Variants in AGBL1 observed in about 807,000 individuals in gnomAD.
AGBL1 encodes cytosolic carboxypeptidase 4.
AGBL1 carries 130 observed loss-of-function variants against 118.9 expected under a neutral mutation model. The ratio of observed to expected loss-of-function variants is 1.09; its 90% CI spans 0.95 to 1.26. The LOEUF (loss-of-function observed/expected upper bound fraction) is 1.26, where lower values mean the gene tolerates loss of function less well. Ranked by LOEUF, AGBL1 falls within the 50% of genes most tolerant of loss-of-function variation. The probability of loss-of-function intolerance (pLI) is 0.00; values close to 1 mark genes in which losing one functional copy is unlikely to be tolerated. For synonymous variants in AGBL1, 555 were observed against 478.9 expected (o/e 1.16, Z -2.08); for missense variants, 1,584 against 1,298.1 (o/e 1.22, Z -3.38).
intron 17 of AGBL1, among the ~76,000 whole-genome samples, chr15:86,302,977 CAAGAT>C (rs2079778332): frequency 6.6e-6 from 1 of 152,058 alleles, no homozygotes; most frequent in African/African-American, 2.4e-5. Flanking sequence ...AGAGAAATGA[CAAGAT>C]CAGATTTGTT....
intron 19 of AGBL1, among the ~76,000 whole-genome samples, chr15:86,529,682 G>A (rs2083321458): frequency 6.7e-6 from 1 of 149,708 alleles, no homozygotes. Context: ...TGAAATGAAG[G>A]AAAAAATGTT....
intron 19 of AGBL1, among the ~76,000 whole-genome samples, chr15:86,535,785 G>GA (rs952803918): frequency 2.2e-4 from 33 of 152,174 alleles, no homozygotes; most frequent in African/African-American, 2.9e-4. Context: ...AAAAGGAGAT[G>GA]AAAAAAAGGA....
chr15:86,936,267 T>A (rs1022991060), intron 23 of AGBL1, among the ~76,000 whole-genome samples: 69 of 151,654 alleles, frequency 4.5e-4, no homozygotes, highest in Non-Finnish European at 8.1e-4. Context: ...TGTGTGTGTG[T>A]GACAGAGAGA....
chr15:86,991,547 C>T (rs1302950543), intron 24 of AGBL1, among the ~76,000 whole-genome samples: 1 of 151,908 alleles, frequency 6.6e-6, no homozygotes, highest in African/African-American at 2.4e-5. Flanking sequence ...GGACAAAATC[C>T]ATAAGGATGA....
intron 3 of AGBL1, among the ~76,000 whole-genome samples, chr15:86,148,819 T>C (rs2141669906): frequency 6.6e-6 from 1 of 152,064 alleles, no homozygotes; most frequent in East Asian, 1.9e-4. Context: ...CCAAGACACA[T>C]AATTGTCAGA....
chr15:86,842,342 C>G (rs540899321), intron 22 of AGBL1, among the ~76,000 whole-genome samples: 2 of 152,278 alleles, frequency 1.3e-5, no homozygotes, highest in African/African-American at 4.8e-5. Context: ...CTGAGCTCCT[C>G]AGATAGATCA....
At chr15:86,605,140 TA>T (rs1248548667) in intron 21 of AGBL1, among the ~76,000 whole-genome samples, 1 of 151,750 alleles carries the variant, frequency 6.6e-6, no homozygotes, top group Admixed American at 6.6e-5. Flanking sequence ...ACATGAAGAA[TA>T]TTTTTTTTAA....
At chr15:86,982,828 A>T (rs574187782) in intron 23 of AGBL1, among the ~76,000 whole-genome samples, 1 of 152,326 alleles carries the variant, frequency 6.6e-6, no homozygotes, top group Admixed American at 6.5e-5. Context: ...GTAGGCTATG[A>T]GTAGTTAAGT....
At chr15:86,968,200 G>A (rs1440092454) in intron 23 of AGBL1, among the ~76,000 whole-genome samples, 1 of 151,862 alleles carries the variant, frequency 6.6e-6, no homozygotes, top group Non-Finnish European at 1.5e-5. Flanking sequence ...TGGATTTGGA[G>A]TCAGAAAGAA....
chr15:86,265,617 C>T (rs1162985609), intron 11 of AGBL1, among the ~76,000 whole-genome samples: 2 of 152,212 alleles, frequency 1.3e-5, no homozygotes, highest in African/African-American at 2.4e-5. Flanking sequence ...ACTGCTCCCA[C>T]TTGGGGTCCT....
intron 19 of AGBL1, among the ~76,000 whole-genome samples, chr15:86,527,719 T>C (rs1596227992): frequency 6.6e-6 from 1 of 152,196 alleles, no homozygotes; most frequent in East Asian, 1.9e-4. Context: ...CGGTTCTAGA[T>C]ACTATTCAGC....
chr15:86,555,393 A>C (rs924736146), intron 21 of AGBL1, among the ~76,000 whole-genome samples: 1 of 152,194 alleles, frequency 6.6e-6, no homozygotes, highest in African/African-American at 2.4e-5. Context: ...CATCTATGCA[A>C]TCCTGAGCTT....
chr15:86,363,422 C>T (rs1368967552), intron 17 of AGBL1, among the ~76,000 whole-genome samples: 1 of 152,048 alleles, frequency 6.6e-6, no homozygotes, highest in Non-Finnish European at 1.5e-5. Flanking sequence ...AGGATCTCTT[C>T]CTTGTCAAAA....
At chr15:86,660,570 T>G (rs879659812) in intron 21 of AGBL1, among the ~76,000 whole-genome samples, 9 of 152,164 alleles carry the variant, frequency 5.9e-5, no homozygotes, top group Non-Finnish European at 1.2e-4. Context: ...CACATTTTTT[T>G]TTTACTGATT....
At position 86,877,696 on chromosome 15, in the gene AGBL1, CA is replaced by C. The variant is rs1445336779; in HGVS notation, c.3159-29390del. Among the ~76,000 whole-genome samples the C allele has an allele frequency of 4.6e-5, 7 of 152,286 alleles. No homozygotes were observed. In the East Asian group the frequency reaches 1.2e-3, roughly 25 times the overall value. Reference sequence around the variant, plus strand: ...AGATTTATCTATATCTTGTAACCATCAGTGATTAGAAACACATCCAGACAAA... The same window carrying C: ...AGATTTATCTATATCTTGTAACCATCGTGATTAGAAACACATCCAGACAAA... On this transcript the variant is annotated intron_variant, in intron 22 of 22. Coordinates refer to ENST00000614907, the MANE Select transcript of AGBL1 (RefSeq NM_001386094.1).
At chr15:86,323,197 G>C (rs2080132702) in intron 17 of AGBL1, among the ~76,000 whole-genome samples, 1 of 149,596 alleles carries the variant, frequency 6.7e-6, no homozygotes, top group Non-Finnish European at 1.5e-5. Context: ...CATTTCAGTT[G>C]GTTCTGTGGG....
intron 1 of AGBL1, among the ~76,000 whole-genome samples, chr15:86,122,161 G>T (rs1048497459): frequency 2.6e-5 from 4 of 152,236 alleles, no homozygotes; most frequent in Middle Eastern, 6.8e-3. Flanking sequence ...ATAGTCATTG[G>T]AGCAACAGGA....
chr15:86,086,053 A>C (rs184049303), intron 1 of AGBL1, among the ~76,000 whole-genome samples: 1 of 152,342 alleles, frequency 6.6e-6, no homozygotes, highest in Admixed American at 6.5e-5. Flanking sequence ...TGATGCAATG[A>C]GGTGCATTGC....
At chr15:86,152,916 A>G (rs145650280) in intron 3 of AGBL1, among the ~76,000 whole-genome samples, 2 of 152,374 alleles carry the variant, frequency 1.3e-5, no homozygotes, top group East Asian at 3.9e-4. Context: ...GAAAATGCTC[A>G]TCATCACTGG....
Sources: gnomAD v4.1 joint callset for allele counts (sites outside exome capture counted in the v4.1 genomes callset) on GRCh38, gnomAD v4.1.1 for gene constraint, MANE v1.5 for transcripts, NCBI Gene and HGNC (gene_info 2026-07-23, HGNC 2026-07-21) for gene names.